Variants in GALNT9 observed in about 807,000 individuals in gnomAD.
The protein encoded by GALNT9 is GalNAc transferase 9.
Under a neutral mutation model 63.1 loss-of-function variants are expected in GALNT9, and 47 were observed. The observed-to-expected ratio is 0.75, with a 90% CI of 0.59 to 0.95. The LOEUF (loss-of-function observed/expected upper bound fraction) is 0.95, where lower values mean the gene tolerates loss of function less well. Among genes scored for constraint, GALNT9 ranks in the 40% least tolerant of loss-of-function variants. The pLI, the probability that GALNT9 is intolerant of heterozygous loss-of-function variation, is 0.00. For synonymous variants in GALNT9, 396 were observed against 365.7 expected, an observed-to-expected ratio of 1.08 and a Z score of -0.94; for missense variants, 829 against 874.8, an observed-to-expected ratio of 0.95 and a Z score of 0.66.
At chr12:132,263,740 T>C (rs1471462108) in intron 2 of GALNT9, among the ~76,000 whole-genome samples, 1 of 152,150 alleles carries the variant, frequency 6.6e-6, no homozygotes, top group African/African-American at 2.4e-5. Flanking sequence ...TAAACATCTG[T>C]GTAATGAGGG....
rs1259335980 is a variant in GALNT9 at position 132,265,043 on chromosome 12, C to T, written c.420-2418G>A. Among the ~76,000 whole-genome samples the T allele has an allele frequency of 2.0e-5, 3 of 152,200 alleles. No homozygotes were observed. Among genetic ancestry groups the T allele is most frequent in the Non-Finnish European group, 4.4e-5 (3 of 68,038 alleles). On this transcript the variant is annotated intron_variant, in intron 2 of 10. Transcript: ENST00000328957. The surrounding 1 kb of genome is among the most constrained non-coding windows in gnomAD (Gnocchi z 5.3). ...GAGTTGAAGCGTTTTTATTTAACTC[C>T]CTGTCGCCCACCTGCTGGCAAATGG...
rs1330334998 is a variant in GALNT9, at chr12:132,265,322, G to A, written c.420-2697C>T. Among the ~76,000 whole-genome samples, 3 of 152,152 alleles carry A rather than the reference G, an allele frequency of 2.0e-5. No individual in the cohort carries two copies. The highest frequency in any genetic ancestry group is 2.1e-4 in the South Asian group (1 of 4,824). On this transcript the variant is annotated intron_variant, in intron 2 of 10. Coordinates refer to ENST00000328957, the MANE Select transcript of GALNT9 (RefSeq NM_001122636.2). This position sits in a 1 kb window ranked among gnomAD's most constrained non-coding sequence, Gnocchi z 5.3. ...CCTCCCCGTGGAAGCCTTTCCTTCC[G>A]TGGTGGGCTGAACGGTGTCCTCCTC...
chr12:132,219,003 C>T (rs1025681769), intron 6 of GALNT9, among the ~76,000 whole-genome samples: 6 of 151,936 alleles, frequency 3.9e-5, no homozygotes, highest in Non-Finnish European at 1.5e-5. Flanking sequence ...TCAGAAGCTC[C>T]GGGGAGGGGC....
chr12:132,314,183 T>C, intron 1 of GALNT9, among the ~76,000 whole-genome samples: 1 of 101,586 alleles, frequency 9.8e-6, no homozygotes, highest in Non-Finnish European at 2.0e-5. Context: ...CCATCATCCA[T>C]TTATCCATCC....
chr12:132,213,387 T>C (rs1877042647), intron 6 of GALNT9, among the ~76,000 whole-genome samples: 1 of 151,892 alleles, frequency 6.6e-6, no homozygotes. Flanking sequence ...CACACACACA[T>C]GAAAATGCAC....
rs751179165 is a variant in GALNT9, at chr12:132,199,133, G to A, written c.1497+41C>T. On this transcript the variant is annotated intron_variant, in intron 9 of 10. Coordinates refer to ENST00000328957, the MANE Select transcript of GALNT9 (RefSeq NM_001122636.2). ...TGTAGGGTCCGGGTGGCCTGGGGTC[G>A]TCCCCTTGGGAGCTGCATGGGTGGC... The A allele has an allele frequency of 3.6e-5, 49 of 1,362,728 alleles. 1 individual carries two copies. In the East Asian group the frequency reaches 4.4e-4, roughly 12 times the overall value. 84.4% of individuals were successfully genotyped at this position (1,362,728 alleles called of 1,614,324 possible).
intron 6 of GALNT9, among the ~76,000 whole-genome samples, chr12:132,222,514 A>G (rs1319074850): frequency 6.6e-6 from 1 of 152,092 alleles, no homozygotes; most frequent in Non-Finnish European, 1.5e-5. Context: ...TTGGTCACAC[A>G]CGCAGTTTCT....
chr12:132,262,145 A>T (rs1182453550), intron 3 of GALNT9, among the ~76,000 whole-genome samples: 3 of 152,174 alleles, frequency 2.0e-5, no homozygotes, highest in South Asian at 4.1e-4. Flanking sequence ...TCTTGAGATG[A>T]AATCCTCCTG....
At chr12:132,255,152 T>A (rs528338847) in intron 5 of GALNT9, among the ~76,000 whole-genome samples, 2 of 152,282 alleles carry the variant, frequency 1.3e-5, no homozygotes, top group East Asian at 3.9e-4. Flanking sequence ...CGAGCTCAGG[T>A]CCTGATGGGA....
chr12:132,206,746 GGGA>G (rs1876721576), intron 6 of GALNT9, among the ~76,000 whole-genome samples: 1 of 152,186 alleles, frequency 6.6e-6, no homozygotes, highest in Admixed American at 6.5e-5. Flanking sequence ...GCCGGCAACT[GGGA>G]GGAGGAGCCG....
At chr12:132,274,428 C>T (rs1555241020) in intron 2 of GALNT9, 1 of 152,536 alleles carries the variant, frequency 6.6e-6, no homozygotes, top group Non-Finnish European at 1.5e-5. Context: ...GGCCTCCAGC[C>T]TGCTGCTCTG....
intron 5 of GALNT9, among the ~76,000 whole-genome samples, chr12:132,248,309 G>A (rs1878791852): frequency 6.6e-6 from 1 of 152,172 alleles, no homozygotes; most frequent in Non-Finnish European, 1.5e-5. Context: ...AGTGTAGGAG[G>A]TTTAAAAAAA....
intron 1 of GALNT9, among the ~76,000 whole-genome samples, chr12:132,308,826 CCT>C (rs200841418): frequency 0.035 from 5,285 of 152,210 alleles, 120 homozygotes; most frequent in Middle Eastern, 0.078. Flanking sequence ...CGTCCTCACA[CCT>C]CACCCACGGG....
chr12:132,309,286 G>A (rs1185997508), intron 1 of GALNT9, among the ~76,000 whole-genome samples: 13 of 152,298 alleles, frequency 8.5e-5, no homozygotes, highest in East Asian at 1.9e-4. Context: ...TGATGGCCCC[G>A]GGACACCCAC....
At chr12:132,211,729 G>T (rs1239824907) in intron 6 of GALNT9, among the ~76,000 whole-genome samples, 1 of 152,182 alleles carries the variant, frequency 6.6e-6, no homozygotes, top group African/African-American at 2.4e-5. Context: ...CCTGGGGCAG[G>T]TCCTTCAAGA....
At chr12:132,214,686 G>C (rs998800318) in intron 6 of GALNT9, among the ~76,000 whole-genome samples, 6 of 152,208 alleles carry the variant, frequency 3.9e-5, no homozygotes, top group Non-Finnish European at 8.8e-5. Context: ...GTCCAGCCTG[G>C]TGCCTCCTGG....
chr12:132,294,836 C>G (rs568200163), intron 1 of GALNT9, among the ~76,000 whole-genome samples: 1 of 152,200 alleles, frequency 6.6e-6, no homozygotes, highest in African/African-American at 2.4e-5. Flanking sequence ...TTTGCCTGTG[C>G]GGAAGGTTGC....
intron 1 of GALNT9, among the ~76,000 whole-genome samples, chr12:132,295,945 TCCGAACAGGGACGGC>T (rs1566016663): frequency 3.7e-5 from 5 of 136,178 alleles, no homozygotes; most frequent in Admixed American, 7.4e-5. Flanking sequence ...AGGGACGGCC[TCCGAACAGGGACGGC>T]CTCCGGAACA....
At chr12:132,308,539 G>A (rs1446739107) in intron 1 of GALNT9, among the ~76,000 whole-genome samples, 1 of 152,188 alleles carries the variant, frequency 6.6e-6, no homozygotes, top group African/African-American at 2.4e-5. Context: ...GAGGCCTTGC[G>A]GGATGTGGGG....
Sources: allele counts gnomAD v4.1 joint callset (sites outside exome capture counted in the v4.1 genomes callset), GRCh38; gene constraint gnomAD v4.1.1; non-coding constraint Gnocchi (gnomAD v3.1); transcripts MANE v1.5; gene names NCBI Gene and HGNC (gene_info 2026-07-23, HGNC 2026-07-21).